The following LRTM1 variants were observed in gnomAD, a reference collection of about 807,000 sequenced individuals.
LRTM1 encodes leucine-rich repeat and transmembrane domain-containing protein 1.
A neutral mutation model predicts 32.4 loss-of-function variants in LRTM1; 38 were observed. The observed-to-expected ratio is 1.17, with a 90% CI of 0.91 to 1.54. The LOEUF is 1.54. Among genes scored for constraint, LRTM1 ranks in the 40% most tolerant of loss-of-function variants. The pLI, the probability that LRTM1 is intolerant of heterozygous loss-of-function variation, is 0.00. For synonymous variants in LRTM1, 186 were observed against 169.9 expected (o/e 1.09, Z -0.74); for missense variants, 466 against 415.4 (o/e 1.12, Z -1.06).
chr3:54,952,355 T>G (rs566726757), intron 1 of LRTM1, among the ~76,000 whole-genome samples: 1 of 152,288 alleles, frequency 6.6e-6, no homozygotes, highest in East Asian at 1.9e-4. Flanking sequence ...AGTTGTCTTA[T>G]TTCTTCAGAG....
chr3:54,939,342 C>G (rs575084709), intron 1 of LRTM1, among the ~76,000 whole-genome samples: 6 of 152,332 alleles, frequency 3.9e-5, no homozygotes, highest in African/African-American at 1.4e-4. Context: ...AGGGGCAGAG[C>G]TGGGACTTGA....
chr3:54,923,496 C>T (rs73845059), intron 2 of LRTM1, among the ~76,000 whole-genome samples: 2,275 of 152,298 alleles, frequency 0.015, 56 homozygotes, highest in African/African-American at 0.05. Flanking sequence ...CTATCACTCT[C>T]CCCTTCCCCT....
intron 1 of LRTM1, among the ~76,000 whole-genome samples, chr3:54,934,632 C>T (rs1304139310): frequency 2.6e-5 from 4 of 152,186 alleles, no homozygotes; most frequent in Non-Finnish European, 4.4e-5. Flanking sequence ...CACGTGTCCA[C>T]AGAGCCTAAG....
At chr3:54,930,468 T>A (rs1701157753), upstream of LRTM1, among the ~76,000 whole-genome samples, 1 of 152,196 alleles carries the variant, frequency 6.6e-6, no homozygotes, top group South Asian at 2.1e-4. Context: ...GTGGAGATAT[T>A]TAGCTGTGTC....
At chr3:54,944,814 G>GGTGTGTGTGT (rs34193625) in intron 1 of LRTM1, among the ~76,000 whole-genome samples, 1 of 111,362 alleles carries the variant, frequency 9.0e-6, no homozygotes, top group Non-Finnish European at 1.8e-5. Context: ...TAGAGCTGGG[G>GGTGTGTGTGT]GTGTGTGTGT....
intron 1 of LRTM1, among the ~76,000 whole-genome samples, chr3:54,940,260 A>C (rs1180629048): frequency 6.6e-6 from 1 of 152,188 alleles, no homozygotes; most frequent in African/African-American, 2.4e-5. Context: ...ACTATTTTCT[A>C]CTTATCCTTG....
At chr3:54,925,452 G>T (rs1186073989) in intron 1 of LRTM1, among the ~76,000 whole-genome samples, 1 of 152,134 alleles carries the variant, frequency 6.6e-6, no homozygotes, top group African/African-American at 2.4e-5. Context: ...CCTTGAGAAA[G>T]ATACTCTCAG....
At position 54,918,351 on chromosome 3, in the gene LRTM1, T is replaced by TGTA; in HGVS notation, c.*107_*108insTAC. 2.3e-6 allele frequency: 1 copy of TGTA among 434,988 alleles called. No homozygotes were observed. Among genetic ancestry groups the TGTA allele is most frequent in the Non-Finnish European group, 3.7e-6 (1 of 270,754 alleles). The allele number at this position is 434,988 out of a possible 1,614,324, so 26.9% of individuals were successfully genotyped here. A position where few individuals can be genotyped will look rare whatever the true frequency, so the allele number is the denominator to read the frequency against. On this transcript the variant is annotated 3_prime_UTR_variant, in exon 3 of 3. Coordinates refer to ENST00000273286, the MANE Select transcript of LRTM1 (RefSeq NM_020678.4). ...TTTTTTCTTTTTTTTTTTTTTTTTT[T>TGTA]TTTTGTCTTTTGGCAAAAGCAAAAT...
chr3:54,926,774 A>G (rs1415689176), intron 1 of LRTM1, among the ~76,000 whole-genome samples: 2 of 152,114 alleles, frequency 1.3e-5, no homozygotes, highest in Non-Finnish European at 2.9e-5. Context: ...GAACGGTTGC[A>G]GTTTTTTTCT....
rs1296613856 is a variant in LRTM1 at position 54,918,860 on chromosome 3, G to A, written c.637C>T (p.Pro213Ser). Reference protein sequence around the residue: ...GLTDGIICESPDTWKGKDLLR... With the variant: ...GLTDGIICESSDTWKGKDLLR... Reference sequence around the variant, plus strand: ...AGGTCCTTTCCCTTCCAGGTGTCTGGTGATTCACAGATGATGCCGTCTGTT... The same window carrying A: ...AGGTCCTTTCCCTTCCAGGTGTCTGATGATTCACAGATGATGCCGTCTGTT... The change falls in exon 3 of 3, where the codon CCA becomes TCA. Residue 213 changes from proline (P) to serine (S), a missense_variant. Pro to Ser is a moderately conservative substitution (Grantham distance 74). Coordinates refer to ENST00000273286, the MANE Select transcript of LRTM1 (RefSeq NM_020678.4). 1.3e-6 allele frequency: 2 copies of A among 1,562,358 alleles called. No homozygotes were observed. Among genetic ancestry groups the A allele is most frequent in the South Asian group, 2.4e-5 (2 of 83,274 alleles).
At chr3:54,952,395 C>T (rs989474972) in intron 1 of LRTM1, among the ~76,000 whole-genome samples, 3 of 152,154 alleles carry the variant, frequency 2.0e-5, no homozygotes. Context: ...GGTCTGGAGG[C>T]TCTGGAAGAT....
intron 1 of LRTM1, among the ~76,000 whole-genome samples, chr3:54,939,717 C>T (rs1482008633): frequency 6.6e-6 from 1 of 152,230 alleles, no homozygotes; most frequent in African/African-American, 2.4e-5. Context: ...CCCCTGCAGG[C>T]CCACCCTCTC....
At chr3:54,930,519 G>A (rs561935049), upstream of LRTM1, among the ~76,000 whole-genome samples, 3 of 152,308 alleles carry the variant, frequency 2.0e-5, no homozygotes, top group South Asian at 6.2e-4. Context: ...AGACTTGGGG[G>A]CCTGAAAATG....
At chr3:54,958,423 G>T (rs1456545835) in intron 1 of LRTM1, among the ~76,000 whole-genome samples, 1 of 152,134 alleles carries the variant, frequency 6.6e-6, no homozygotes, top group Non-Finnish European at 1.5e-5. Context: ...TTAGGTCAAA[G>T]TCAGTTTATT....
At chr3:54,943,729 T>C (rs1701537428) in intron 1 of LRTM1, among the ~76,000 whole-genome samples, 1 of 152,174 alleles carries the variant, frequency 6.6e-6, no homozygotes, top group South Asian at 2.1e-4. Flanking sequence ...TATTTCATCT[T>C]GCTTTGGTGA....
intron 1 of LRTM1, among the ~76,000 whole-genome samples, chr3:54,966,031 C>A (rs1333236741): frequency 6.6e-6 from 1 of 152,090 alleles, no homozygotes; most frequent in South Asian, 2.1e-4. Flanking sequence ...CCGACAGGGG[C>A]AGATGAGAAC....
At chr3:54,952,170 T>C (rs1701774110) in intron 1 of LRTM1, among the ~76,000 whole-genome samples, 1 of 152,198 alleles carries the variant, frequency 6.6e-6, no homozygotes, top group East Asian at 1.9e-4. Context: ...ATAAACTGCC[T>C]CCTGCACCCC....
chr3:54,963,757 C>G (rs193279448), intron 1 of LRTM1, among the ~76,000 whole-genome samples: 2 of 152,172 alleles, frequency 1.3e-5, no homozygotes, highest in African/African-American at 4.8e-5. Context: ...CAGGCCTGTA[C>G]CCCTGGCGGT....
chr3:54,924,687 TC>T lies in LRTM1; in HGVS notation c.535del (p.Asp179ThrfsTer26). On this transcript the variant is annotated frameshift_variant, in exon 2 of 3. Coordinates refer to ENST00000273286, the MANE Select transcript of LRTM1 (RefSeq NM_020678.4). LOFTEE classifies it high-confidence loss of function. ...GTGGCAATTGCATTTCCAGAGGTTG[TC>T]CTTGAGAAGTAAAAGCCTCACACTG... ...MPSVRLLLLK[D>X]NLWKCNCHLL... 1 of 1,614,166 alleles carries T rather than the reference TC, an allele frequency of 6.2e-7. No individual in the cohort carries two copies. Among genetic ancestry groups the T allele is most frequent in the Non-Finnish European group, 8.5e-7 (1 of 1,180,028 alleles).
Sources: allele counts gnomAD v4.1 joint callset (sites outside exome capture counted in the v4.1 genomes callset), GRCh38; gene constraint gnomAD v4.1.1; transcripts MANE v1.5; gene names NCBI Gene and HGNC (gene_info 2026-07-23, HGNC 2026-07-21).